Variants in CSMD3 observed in about 807,000 individuals in gnomAD.
The protein encoded by CSMD3 is CUB and Sushi multiple domains 3.
Under a neutral mutation model 435.2 loss-of-function variants are expected in CSMD3, and 177 were observed. The observed-to-expected ratio is 0.41, with a 90% CI of 0.36 to 0.46. The LOEUF (loss-of-function observed/expected upper bound fraction) is 0.46, where lower values mean the gene tolerates loss of function less well. CSMD3 is among the 20% of genes least tolerant of loss of function. The probability of loss-of-function intolerance (pLI) is 0.34; values close to 1 mark genes in which losing one functional copy is unlikely to be tolerated. For synonymous variants in CSMD3, 1,656 were observed against 1,520.5 expected, an observed-to-expected ratio of 1.09 and a Z score of -2.07; for missense variants, 4,265 against 4,504.6, an observed-to-expected ratio of 0.95 and a Z score of 1.52.
intron 7 of CSMD3, among the ~76,000 whole-genome samples, chr8:112,964,325 C>A (rs1461578440): frequency 6.6e-6 from 1 of 151,830 alleles, no homozygotes; most frequent in Non-Finnish European, 1.5e-5. Flanking sequence ...ATTAGTGTAT[C>A]CTATCCTAAT....
At chr8:112,483,341 AAAT>A (rs1819811367) in intron 31 of CSMD3, among the ~76,000 whole-genome samples, 1 of 152,112 alleles carries the variant, frequency 6.6e-6, no homozygotes, top group South Asian at 2.1e-4. Flanking sequence ...AAATACAAAA[AAAT>A]TAGTCAGGCA....
Position 112,721,829 on chromosome 8 carries a change from A to C in CSMD3, c.1973-31779T>G, listed in dbSNP as rs529539345. Among the ~76,000 whole-genome samples the C allele has an allele frequency of 3.9e-5, 6 of 152,284 alleles. No homozygotes were observed. In the South Asian group the frequency reaches 1.2e-3, roughly 32 times the overall value. On this transcript the variant is annotated intron_variant, in intron 13 of 70. Coordinates refer to ENST00000297405, the MANE Select transcript of CSMD3 (RefSeq NM_198123.2). ...TCAGAAGTTTTGAAGGGATGATATT[A>C]ATATATTTGATGTGTGAGGTAAAAC...
At chr8:112,546,836 G>A (rs1434596370) in intron 27 of CSMD3, among the ~76,000 whole-genome samples, 1 of 152,142 alleles carries the variant, frequency 6.6e-6, no homozygotes, top group Non-Finnish European at 1.5e-5. Flanking sequence ...CTCTACAAAG[G>A]ATGAATGGAT....
chr8:113,055,673 A>T (rs1420493765), intron 5 of CSMD3, among the ~76,000 whole-genome samples: 2 of 152,226 alleles, frequency 1.3e-5, no homozygotes, highest in Non-Finnish European at 2.9e-5. Flanking sequence ...TATTAGAAGG[A>T]TGAGCATAAC....
intron 3 of CSMD3, 108 bp downstream of exon 3, chr8:113,278,484 T>C (rs2093588671): frequency 1.4e-6 from 1 of 692,962 alleles, no homozygotes; most frequent in Non-Finnish European, 2.7e-6. Context: ...CAGGACAAGA[T>C]TTGAGACAAC....
At chr8:112,644,407 T>G (rs1385336481) in intron 20 of CSMD3, among the ~76,000 whole-genome samples, 1 of 152,014 alleles carries the variant, frequency 6.6e-6, no homozygotes, top group Non-Finnish European at 1.5e-5. Context: ...TAGATTCCTA[T>G]AGGGATACAT....
At chr8:113,078,816 C>T (rs1297710068) in intron 5 of CSMD3, among the ~76,000 whole-genome samples, 1 of 152,134 alleles carries the variant, frequency 6.6e-6, no homozygotes, top group Non-Finnish European at 1.5e-5. Context: ...ATCCCATCTG[C>T]ATGTAAATGC....
At chr8:112,769,987 A>C (rs2078071217) in intron 13 of CSMD3, among the ~76,000 whole-genome samples, 1 of 152,072 alleles carries the variant, frequency 6.6e-6, no homozygotes, top group Admixed American at 6.6e-5. Context: ...TTCTACTAAA[A>C]GCAAGTTGTA....
intron 35 of CSMD3, among the ~76,000 whole-genome samples, chr8:112,392,768 C>A (rs1830535777): frequency 6.6e-6 from 1 of 150,382 alleles, no homozygotes; most frequent in East Asian, 2.0e-4. Flanking sequence ...AATTATTTTT[C>A]TAAATTAAAA....
chr8:112,679,035 T>C (rs1433486963), intron 16 of CSMD3, among the ~76,000 whole-genome samples: 1 of 149,398 alleles, frequency 6.7e-6, no homozygotes, highest in Non-Finnish European at 1.5e-5. Flanking sequence ...GTTCTCTATG[T>C]AAGTGGGAGT....
intron 10 of CSMD3, among the ~76,000 whole-genome samples, chr8:112,866,109 T>C (rs1291143793): frequency 6.6e-6 from 1 of 152,160 alleles, no homozygotes; most frequent in African/African-American, 2.4e-5. Flanking sequence ...AGGAACATTT[T>C]GTTGATGGTA....
At chr8:112,707,598 T>C (rs1267739533) in intron 13 of CSMD3, among the ~76,000 whole-genome samples, 3 of 151,970 alleles carry the variant, frequency 2.0e-5, no homozygotes, top group Non-Finnish European at 4.4e-5. Flanking sequence ...AACAATATAA[T>C]ACTAGGTCTT....
chr8:113,113,427 A>G (rs1522057), intron 4 of CSMD3, among the ~76,000 whole-genome samples: 103,543 of 152,064 alleles, frequency 0.68, 37,076 homozygotes, highest in East Asian at 0.95. Flanking sequence ...ATTACATCTG[A>G]GGCAGGCACA....
chr8:113,207,010 G>A (rs935596077), intron 3 of CSMD3, among the ~76,000 whole-genome samples: 1 of 152,072 alleles, frequency 6.6e-6, no homozygotes, highest in African/African-American at 2.4e-5. Context: ...AAAAATGCAG[G>A]CTACTGTGTT....
intron 3 of CSMD3, among the ~76,000 whole-genome samples, chr8:113,277,625 C>T (rs1289305656): frequency 6.6e-6 from 1 of 151,826 alleles, no homozygotes; most frequent in Non-Finnish European, 1.5e-5. Flanking sequence ...AAATTAATTG[C>T]CCTTGCTACG....
At chr8:112,980,274 A>G (rs1453897563) in intron 6 of CSMD3, among the ~76,000 whole-genome samples, 3 of 151,002 alleles carry the variant, frequency 2.0e-5, no homozygotes, top group Non-Finnish European at 4.5e-5. Flanking sequence ...TGCATGGATG[A>G]CCCAAAATAT....
chr8:112,702,047 T>C (rs1388073023), intron 13 of CSMD3, among the ~76,000 whole-genome samples: 1 of 152,170 alleles, frequency 6.6e-6, no homozygotes, highest in East Asian at 1.9e-4. Context: ...GATTTACTCA[T>C]CTGTCTTTTT....
At chr8:112,238,687 G>A (rs937457467) in intron 66 of CSMD3, among the ~76,000 whole-genome samples, 1 of 147,870 alleles carries the variant, frequency 6.8e-6, no homozygotes, top group Admixed American at 6.8e-5. Flanking sequence ...AGTTTGTTAA[G>A]AATTTTTAAA....
chr8:112,261,924 A>G (rs760126683), intron 61 of CSMD3, among the ~76,000 whole-genome samples: 146 of 152,072 alleles, frequency 9.6e-4, no homozygotes, highest in Non-Finnish European at 1.5e-3. Flanking sequence ...AAAAATACAT[A>G]TATATATTCT....
Sources: gnomAD v4.1 joint callset for allele counts (sites outside exome capture counted in the v4.1 genomes callset) on GRCh38, gnomAD v4.1.1 for gene constraint, MANE v1.5 for transcripts, NCBI Gene and HGNC (gene_info 2026-07-23, HGNC 2026-07-21) for gene names.